The following FOXJ3 variants were observed in gnomAD, a reference collection of about 807,000 sequenced individuals.
FOXJ3 encodes the protein forkhead box protein J3.
Under a neutral mutation model 76.1 loss-of-function variants are expected in FOXJ3, and 22 were observed. The observed-to-expected ratio is 0.29, with a 90% CI of 0.21 to 0.41. The LOEUF is 0.41. Among genes scored for constraint, FOXJ3 ranks in the 10% least tolerant of loss-of-function variants. The probability of loss-of-function intolerance (pLI) is 1.00; values close to 1 mark genes in which losing one functional copy is unlikely to be tolerated. For synonymous variants in FOXJ3, 269 were observed against 261.2 expected, an observed-to-expected ratio of 1.03 and a Z score of -0.29; for missense variants, 613 against 762.1, an observed-to-expected ratio of 0.80 and a Z score of 2.30.
At chr1:42,335,527 T>A (rs1290055631), upstream of FOXJ3, 1 of 152,136 alleles carries the variant, frequency 6.6e-6, no homozygotes, top group Non-Finnish European at 1.5e-5. Context: ...ACAGTAGGGA[T>A]CGGTGGCTTT....
intron 4 of FOXJ3, among the ~76,000 whole-genome samples, chr1:42,260,571 G>A (rs1299873795): frequency 1.3e-5 from 2 of 152,072 alleles, no homozygotes; most frequent in Non-Finnish European, 2.9e-5. Context: ...AGGCATGGTG[G>A]CATGTGCTGT....
At chr1:42,199,548 T>C (rs953634252) in intron 6 of FOXJ3, among the ~76,000 whole-genome samples, 1 of 152,038 alleles carries the variant, frequency 6.6e-6, no homozygotes, top group Non-Finnish European at 1.5e-5. Flanking sequence ...AATATTTCTA[T>C]AATGCATAAA....
intron 6 of FOXJ3, among the ~76,000 whole-genome samples, chr1:42,201,907 A>T (rs867840041): frequency 1.3e-5 from 2 of 152,118 alleles, no homozygotes; most frequent in Middle Eastern, 3.4e-3. Flanking sequence ...AAGTATTAAC[A>T]TTTTCTATTT....
At chr1:42,220,317 T>A (rs1278562434) in intron 5 of FOXJ3, among the ~76,000 whole-genome samples, 2 of 152,074 alleles carry the variant, frequency 1.3e-5, no homozygotes, top group East Asian at 3.9e-4. Flanking sequence ...GTTGTGCACA[T>A]ACACACTTGA....
chr1:42,267,318 G>GA (rs1054582147), intron 3 of FOXJ3, among the ~76,000 whole-genome samples: 2 of 151,910 alleles, frequency 1.3e-5, no homozygotes, highest in South Asian at 2.1e-4. Context: ...CTAAAGAGAT[G>GA]AAAAAACAAA....
At chr1:42,331,572 T>C (rs1226591018) in intron 1 of FOXJ3, among the ~76,000 whole-genome samples, 5 of 152,166 alleles carry the variant, frequency 3.3e-5, no homozygotes, top group Admixed American at 2.6e-4. Context: ...AAAGACCGTA[T>C]GTTGTATGAA....
chr1:42,242,817 G>A (rs1036743277), intron 4 of FOXJ3, among the ~76,000 whole-genome samples: 3 of 152,150 alleles, frequency 2.0e-5, no homozygotes, highest in African/African-American at 7.2e-5. Flanking sequence ...ATTATAGCAA[G>A]AGATTTAGAC....
chr1:42,207,070 C>T (rs1490892400), intron 5 of FOXJ3, among the ~76,000 whole-genome samples: 2 of 152,030 alleles, frequency 1.3e-5, no homozygotes, highest in Non-Finnish European at 2.9e-5. Flanking sequence ...CCTAAAGTGA[C>T]CCACCTGCCT....
intron 4 of FOXJ3, among the ~76,000 whole-genome samples, chr1:42,263,069 TA>T (rs1651183563): frequency 6.6e-6 from 1 of 152,168 alleles, no homozygotes; most frequent in Non-Finnish European, 1.5e-5. Flanking sequence ...GGACTCAATT[TA>T]TTTCTGTATT....
intron 5 of FOXJ3, among the ~76,000 whole-genome samples, chr1:42,225,581 A>AG (rs547696408): frequency 3.3e-5 from 5 of 152,334 alleles, no homozygotes; most frequent in Admixed American, 6.5e-5. Context: ...ATGCTCCTAC[A>AG]GGGGCAACCA....
Position 42,309,001 on chromosome 1 carries a change from C to CAAAAAAAAAAA in FOXJ3, c.44+2038_44+2048dup, listed in dbSNP as rs59583552. ...TAAAGAAATAACAACAGTCGTTTTACAAAAAAAAAAAAAAAAATGCTTTTC... is the reference window on the plus strand; with the variant it reads ...TAAAGAAATAACAACAGTCGTTTTACAAAAAAAAAAAAAAAAAAAAAAAAAAAATGCTTTTC... On this transcript the variant is annotated intron_variant, in intron 2 of 12. Coordinates refer to ENST00000361346, the MANE Select transcript of FOXJ3 (RefSeq NM_014947.5). Among the ~76,000 whole-genome samples, 27 of 103,816 alleles carry CAAAAAAAAAAA rather than the reference C, an allele frequency of 2.6e-4. 1 individual carries two copies. Among genetic ancestry groups the CAAAAAAAAAAA allele is most frequent in the African/African-American group, 5.9e-4 (16 of 26,898 alleles). The allele number at this position is 103,816 out of a possible 152,430, so 68.1% of individuals were successfully genotyped here.
intron 4 of FOXJ3, among the ~76,000 whole-genome samples, chr1:42,237,427 T>TATATATACAC (rs1166082659): frequency 7.7e-5 from 10 of 129,922 alleles, no homozygotes; most frequent in African/African-American, 2.2e-4. Flanking sequence ...TATATATATA[T>TATATATACAC]ACATACATAC....
chr1:42,267,462 C>T lies in FOXJ3; in HGVS notation c.370-2273G>A, dbSNP rs536758033. Among the ~76,000 whole-genome samples, 9 of 152,026 alleles carry T rather than the reference C, an allele frequency of 5.9e-5. No homozygotes were observed. In the South Asian group the frequency reaches 1.9e-3, roughly 32 times the overall value. ...ACATTACTGACAGACAGACTCAATC[C>T]CCACAAGAACGGCCTGAGAAAAAAG... On this transcript the variant is annotated intron_variant, in intron 3 of 12. Transcript: ENST00000361346.
intron 4 of FOXJ3, among the ~76,000 whole-genome samples, chr1:42,253,045 A>C (rs1207112185): frequency 6.6e-6 from 1 of 151,752 alleles, no homozygotes; most frequent in Admixed American, 6.6e-5. Flanking sequence ...AGATGACATG[A>C]TTATATATCT....
intron 5 of FOXJ3, among the ~76,000 whole-genome samples, chr1:42,223,917 G>GCTTTGGTATTTTTTAGTAC (rs1553159396): frequency 2.0e-5 from 3 of 152,184 alleles, no homozygotes; most frequent in Non-Finnish European, 4.4e-5. Flanking sequence ...TCAAATTCTG[G>GCTTTGGTATTTTTTAGTAC]CTTTGGTATT....
intron 2 of FOXJ3, among the ~76,000 whole-genome samples, chr1:42,292,220 T>C (rs139892497): frequency 6.6e-6 from 1 of 152,328 alleles, no homozygotes; most frequent in East Asian, 1.9e-4. Flanking sequence ...CCAAAAAGGC[T>C]AATTGAAAGA....
chr1:42,284,789 C>A (rs114137694), intron 2 of FOXJ3, among the ~76,000 whole-genome samples: 2,939 of 152,308 alleles, frequency 0.019, 38 homozygotes, highest in Non-Finnish European at 0.03. Context: ...TTTATTTCCA[C>A]TAACTTGTGA....
chr1:42,251,620 T>C (rs1433458535), intron 4 of FOXJ3, among the ~76,000 whole-genome samples: 1 of 152,128 alleles, frequency 6.6e-6, no homozygotes, highest in Admixed American at 6.5e-5. Context: ...TTGAATATAT[T>C]GAACCAGCCT....
intron 3 of FOXJ3, among the ~76,000 whole-genome samples, chr1:42,269,814 C>T (rs1651739762): frequency 6.6e-6 from 1 of 152,138 alleles, no homozygotes; most frequent in Non-Finnish European, 1.5e-5. Context: ...TACCTTAGAT[C>T]TGCCTATCTT....
Sources: gnomAD v4.1 joint callset for allele counts (sites outside exome capture counted in the v4.1 genomes callset) on GRCh38, gnomAD v4.1.1 for gene constraint, MANE v1.5 for transcripts, NCBI Gene and HGNC (gene_info 2026-07-23, HGNC 2026-07-21) for gene names.